SFMBT2: variants seen among roughly 807,000 people sequenced by gnomAD.
SFMBT2 encodes the protein scm-like with four MBT domains protein 2.
Under a neutral mutation model 110.1 loss-of-function variants are expected in SFMBT2, and 38 were observed. That is an observed-to-expected ratio of 0.35 (90% CI 0.27 to 0.45). SFMBT2 has a LOEUF of 0.45. Ranked by LOEUF, SFMBT2 falls within the 20% of genes least tolerant of loss-of-function variation. The probability of loss-of-function intolerance (pLI) is 1.00; values close to 1 mark genes in which losing one functional copy is unlikely to be tolerated. For synonymous variants in SFMBT2, 425 were observed against 425.4 expected, an observed-to-expected ratio of 1.00 and a Z score of 0.01; for missense variants, 1,011 against 1,094.9, an observed-to-expected ratio of 0.92 and a Z score of 1.08.
At chr10:7,340,329 G>C (rs1843852792) in intron 4 of SFMBT2, among the ~76,000 whole-genome samples, 1 of 152,044 alleles carries the variant, frequency 6.6e-6, no homozygotes, top group Admixed American at 6.6e-5. Flanking sequence ...GCTGTCTCGT[G>C]GGTGGCAGAG....
chr10:7,170,821 G>A lies in SFMBT2; in HGVS notation c.2544+107C>T, dbSNP rs1017238118. ...TCTCGCACACCTGCCGAGCAGCGCCGAAGAACCCCCTCGCAGGTGTCACGA... is the reference window on the plus strand; with the variant it reads ...TCTCGCACACCTGCCGAGCAGCGCCAAAGAACCCCCTCGCAGGTGTCACGA... On this transcript the variant is annotated intron_variant, in intron 20 of 20. Transcript: ENST00000397167. The surrounding 1 kb of genome is among the most constrained non-coding windows in gnomAD (Gnocchi z 4.6). 2.5e-5 allele frequency: 35 copies of A among 1,384,888 alleles called. No homozygotes were observed. In the East Asian group the frequency reaches 5.3e-4, roughly 21 times the overall value. 85.8% of individuals were successfully genotyped at this position (1,384,888 alleles called of 1,614,324 possible).
rs752439891 is a variant in SFMBT2, at chr10:7,334,865, G to A, written c.436+32784C>T. On this transcript the variant is annotated intron_variant, in intron 4 of 20. Coordinates refer to ENST00000397167, the MANE Select transcript of SFMBT2 (RefSeq NM_001387889.1). Reference sequence around the variant, plus strand: ...AGAGACAAGCGTGAAGTTCCAGGACGACAGGAATAAAACCTAGAACCTGCC... The same window carrying A: ...AGAGACAAGCGTGAAGTTCCAGGACAACAGGAATAAAACCTAGAACCTGCC... Among the ~76,000 whole-genome samples the A allele has an allele frequency of 1.3e-3, 198 of 152,252 alleles. 4 individuals carry two copies. The highest frequency in any genetic ancestry group is 5.7e-4 in the Non-Finnish European group (39 of 68,018).
chr10:7,202,897 C>T, intron 12 of SFMBT2: 4 of 985,356 alleles, frequency 4.1e-6, no homozygotes, highest in Non-Finnish European at 4.8e-6. Flanking sequence ...TGTGATGAAG[C>T]AAATCATGTT....
intron 4 of SFMBT2, among the ~76,000 whole-genome samples, chr10:7,313,929 C>T (rs967293363): frequency 6.6e-6 from 1 of 152,212 alleles, no homozygotes; most frequent in Non-Finnish European, 1.5e-5. Flanking sequence ...ACATGCACAG[C>T]TTTTCTGCAG....
intron 4 of SFMBT2, among the ~76,000 whole-genome samples, chr10:7,325,658 G>C (rs1290970401): frequency 6.6e-6 from 1 of 152,190 alleles, no homozygotes; most frequent in African/African-American, 2.4e-5. Context: ...GTAGGTACAG[G>C]CTCAGGTACA....
chr10:7,313,349 C>CA (rs1477093477), intron 4 of SFMBT2, among the ~76,000 whole-genome samples: 6 of 152,138 alleles, frequency 3.9e-5, no homozygotes, highest in Non-Finnish European at 5.9e-5. Flanking sequence ...ATCCATACTG[C>CA]ACAGAAGCAA....
chr10:7,188,098 A>G (rs17142559), intron 16 of SFMBT2, among the ~76,000 whole-genome samples: 3,303 of 152,274 alleles, frequency 0.022, 110 homozygotes, highest in African/African-American at 0.075. Flanking sequence ...CAATTAGCCT[A>G]TTTCCAAATA....
intron 2 of SFMBT2, among the ~76,000 whole-genome samples, chr10:7,379,957 A>AACCG (rs149837871): frequency 0.027 from 4,084 of 152,312 alleles, 86 homozygotes; most frequent in Middle Eastern, 0.044. Flanking sequence ...GATACACTGC[A>AACCG]ACCGTGTGCA....
intron 13 of SFMBT2, among the ~76,000 whole-genome samples, chr10:7,201,527 C>CA (rs1437456640): frequency 6.6e-6 from 1 of 152,036 alleles, no homozygotes; most frequent in Non-Finnish European, 1.5e-5. Context: ...ACCAAACCCA[C>CA]AAAAAAATAC....
intron 4 of SFMBT2, among the ~76,000 whole-genome samples, chr10:7,325,156 C>T (rs1359047463): frequency 1.3e-5 from 2 of 151,396 alleles, no homozygotes; most frequent in Non-Finnish European, 2.9e-5. Flanking sequence ...TTAGTAGAGA[C>T]GGGGTTTCAC....
At chr10:7,319,215 A>C (rs945537263) in intron 4 of SFMBT2, among the ~76,000 whole-genome samples, 5 of 152,196 alleles carry the variant, frequency 3.3e-5, no homozygotes, top group Non-Finnish European at 5.9e-5. Context: ...CAAAATCATC[A>C]AGTTCGCAGT....
At chr10:7,345,587 G>C (rs545371644) in intron 4 of SFMBT2, among the ~76,000 whole-genome samples, 1 of 152,212 alleles carries the variant, frequency 6.6e-6, no homozygotes, top group Non-Finnish European at 1.5e-5. Flanking sequence ...TCGAACTCCT[G>C]ACCTCGTGAT....
chr10:7,260,990 G>A (rs1841179861), intron 7 of SFMBT2, among the ~76,000 whole-genome samples: 1 of 151,974 alleles, frequency 6.6e-6, no homozygotes, highest in Non-Finnish European at 1.5e-5. Flanking sequence ...TTGGGTTTGA[G>A]GTACGTCTGT....
At chr10:7,322,646 C>G (rs1188341618) in intron 4 of SFMBT2, among the ~76,000 whole-genome samples, 1 of 151,622 alleles carries the variant, frequency 6.6e-6, no homozygotes. Context: ...CAGCACAGCA[C>G]AAAAGTAAGG....
At chr10:7,315,350 G>C (rs972681119) in intron 4 of SFMBT2, among the ~76,000 whole-genome samples, 3 of 152,230 alleles carry the variant, frequency 2.0e-5, no homozygotes, top group African/African-American at 7.2e-5. Context: ...TATAGAACAA[G>C]AGTCTGATCC....
intron 7 of SFMBT2, among the ~76,000 whole-genome samples, chr10:7,272,506 G>A (rs1030686574): frequency 2.6e-5 from 4 of 152,140 alleles, no homozygotes; most frequent in African/African-American, 7.2e-5. Context: ...GCATGGGGAG[G>A]TGACTGGGAA....
intron 6 of SFMBT2, among the ~76,000 whole-genome samples, chr10:7,281,457 G>A (rs1325711008): frequency 2.0e-5 from 3 of 152,084 alleles, no homozygotes; most frequent in South Asian, 2.1e-4. Flanking sequence ...TAGTGTTTGG[G>A]AAAACGAGAA....
At chr10:7,204,820 C>T (rs1294712580) in intron 12 of SFMBT2, 3 of 423,676 alleles carry the variant, frequency 7.1e-6, no homozygotes, top group African/African-American at 2.2e-5. Flanking sequence ...TTGCAGAGAG[C>T]CGAGATAGCG....
intron 1 of SFMBT2, among the ~76,000 whole-genome samples, chr10:7,387,892 G>A (rs1269324385): frequency 1.3e-5 from 2 of 150,454 alleles, no homozygotes; most frequent in African/African-American, 2.5e-5. Flanking sequence ...AGGTTGCAGT[G>A]AGTTGAGATG....
Sources: allele counts gnomAD v4.1 joint callset (sites outside exome capture counted in the v4.1 genomes callset), GRCh38; gene constraint gnomAD v4.1.1; non-coding constraint Gnocchi (gnomAD v3.1); transcripts MANE v1.5; gene names NCBI Gene and HGNC (gene_info 2026-07-23, HGNC 2026-07-21).